AGO1: variants seen among roughly 807,000 people sequenced by gnomAD.
The protein encoded by AGO1 is argonaute RISC component 1, also known as protein argonaute-1.
AGO1 carries 11 observed loss-of-function variants against 109.2 expected under a neutral mutation model. That is an observed-to-expected ratio of 0.10 (90% CI 0.06 to 0.17). AGO1 has a LOEUF of 0.17. Among genes scored for constraint, AGO1 ranks in the 10% least tolerant of loss-of-function variants. The pLI is 1.00. For missense variants in AGO1, 574 were observed against 1,140.3 expected (o/e 0.50, Z 7.15); for synonymous variants, 422 against 418.6 (o/e 1.01, Z -0.10).
Position 35,893,906 on chromosome 1 carries a change from T to A in AGO1, c.649+96T>A. The A allele has an allele frequency of 6.5e-7, 1 of 1,539,006 alleles. No homozygotes were observed. Among genetic ancestry groups the A allele is most frequent in the Non-Finnish European group, 8.8e-7 (1 of 1,138,264 alleles). ...CAGCTCTGCAACCACACTCCTAGTCTAATTCCTACAGCCCTGGCACCCCCT... is the reference window on the plus strand; with the variant it reads ...CAGCTCTGCAACCACACTCCTAGTCAAATTCCTACAGCCCTGGCACCCCCT... On this transcript the variant is annotated intron_variant, in intron 5 of 18. Transcript: ENST00000373204. The surrounding 1 kb of genome is among the most constrained non-coding windows in gnomAD (Gnocchi z 5.6).
At position 35,925,083 on chromosome 1, in the gene AGO1, G is replaced by A. The variant is rs574185625; in HGVS notation, c.*5476G>A. ...ACAGATCACTGGTAGACAGTTTGTGGGTTTTTTGTTTCTTTGTTTAGCCAG... is the reference window on the plus strand; with the variant it reads ...ACAGATCACTGGTAGACAGTTTGTGAGTTTTTTGTTTCTTTGTTTAGCCAG... On this transcript the variant is annotated 3_prime_UTR_variant, in exon 19 of 19. Coordinates refer to ENST00000373204, the MANE Select transcript of AGO1 (RefSeq NM_012199.5). 8.4e-4 allele frequency: 128 copies of A among 152,146 alleles called. 1 individual carries two copies. Among genetic ancestry groups the A allele is most frequent in the African/African-American group, 3.0e-3 (126 of 41,516 alleles). 9.4% of individuals were successfully genotyped at this position (152,146 alleles called of 1,614,324 possible).
At chr1:35,878,867 C>G (rs964421272), upstream of AGO1, among the ~76,000 whole-genome samples, 10 of 151,320 alleles carry the variant, frequency 6.6e-5, no homozygotes, top group African/African-American at 2.2e-4. Context: ...GTTAATTATA[C>G]TACATTGATT....
chr1:35,893,341 G>A lies in AGO1; in HGVS notation c.512+63G>A. The A allele has an allele frequency of 1.3e-6, 2 of 1,543,174 alleles. No homozygotes were observed. The highest frequency in any genetic ancestry group is 1.2e-5 in the South Asian group (1 of 83,690). On this transcript the variant is annotated intron_variant, in intron 4 of 18. Coordinates refer to ENST00000373204, the MANE Select transcript of AGO1 (RefSeq NM_012199.5). The surrounding 1 kb of genome is among the most constrained non-coding windows in gnomAD (Gnocchi z 5.6). ...GCAGAACTGCTGTCAGGGGAGGAGG[G>A]GGAGCACATATTAAGGTCCCACAGA...
intron 1 of AGO1, among the ~76,000 whole-genome samples, chr1:35,877,243 A>C (rs1363369905): frequency 6.6e-6 from 1 of 152,098 alleles, no homozygotes; most frequent in Non-Finnish European, 1.5e-5. Context: ...GAATGGGCAG[A>C]TTTCGTGATG....
chr1:35,895,413 C>G, intron 8 of AGO1, 144 bp downstream of exon 8: 1 of 894,890 alleles, frequency 1.1e-6, no homozygotes, highest in Non-Finnish European at 1.6e-6. Context: ...ATAGAGGCCT[C>G]ATTCTTACCT....
At position 35,906,995 on chromosome 1, in the gene AGO1, A is replaced by G. The variant is rs776441734; in HGVS notation, c.1458A>G (p.Gln486=). The G allele has an allele frequency of 1.5e-5, 24 of 1,614,046 alleles. 1 individual carries two copies. The highest frequency in any genetic ancestry group is 5.5e-5 in the South Asian group (5 of 91,078). ...ATGCGGGGATGCCTATCCAGGGTCA[A>G]CCTTGTTTCTGCAAATATGCACAGG... ...SKDAGMPIQG[Q]PCFCKYAQGA... is the part of the protein sequence containing the mutation. The change falls in exon 12 of 19, where the codon CAA becomes CAG. Residue 486 remains glutamine, a synonymous_variant. Transcript: ENST00000373204.
At chr1:35,879,215 C>G (rs748977147), upstream of AGO1, among the ~76,000 whole-genome samples, 1 of 152,096 alleles carries the variant, frequency 6.6e-6, no homozygotes, top group Non-Finnish European at 1.5e-5. Context: ...TTTGGGAGGC[C>G]GAGGCGGGTG....
rs188384146 is a variant in AGO1, at chr1:35,928,530, C to G, written c.*8923C>G. 1 of 152,206 alleles carries G rather than the reference C, an allele frequency of 6.6e-6. No individual in the cohort carries two copies. The highest frequency in any genetic ancestry group is 2.4e-5 in the African/African-American group (1 of 41,440). 9.4% of individuals were successfully genotyped at this position (152,206 alleles called of 1,614,324 possible). On this transcript the variant is annotated 3_prime_UTR_variant, in exon 19 of 19. Coordinates refer to ENST00000373204, the MANE Select transcript of AGO1 (RefSeq NM_012199.5). ...CTCTCTTAGCTTCAAGCTATCCTCC[C>G]GCCTCGGCCTCCCAAAGTGCTGGAA...
Position 35,888,396 on chromosome 1 carries a change from C to T in AGO1, c.26-31C>T. On this transcript the variant is annotated intron_variant, in intron 1 of 18. Transcript: ENST00000373204. The surrounding 1 kb of genome is among the most constrained non-coding windows in gnomAD (Gnocchi z 4.1). ...TAAGAGTAGTTAGGAGATTGCCAGA[C>T]TTTACCCTCACCAGCCTCTTTGTCT... 6.2e-7 allele frequency: 1 copy of T among 1,610,096 alleles called. No homozygotes were observed. Among genetic ancestry groups the T allele is most frequent in the Non-Finnish European group, 8.5e-7 (1 of 1,177,774 alleles).
chr1:35,903,604 C>T (rs2148716787), intron 11 of AGO1, among the ~76,000 whole-genome samples: 1 of 152,180 alleles, frequency 6.6e-6, no homozygotes, highest in South Asian at 2.1e-4. Flanking sequence ...GCCTGTAGTC[C>T]TGGCTACTCA....
rs537183995 is a variant in AGO1, at chr1:35,906,910, C to T, written c.1398-25C>T. 3.1e-6 allele frequency: 5 copies of T among 1,592,264 alleles called. No individual in the cohort carries two copies. In the Admixed American group the frequency reaches 8.5e-5, roughly 27 times the overall value. ...AGAATTCAAGTGAGACTCACTGCCT[C>T]CTTTGTGACCATGCGTGTGTACAGG... On this transcript the variant is annotated intron_variant, in intron 11 of 18. Transcript: ENST00000373204.
At position 35,888,660 on chromosome 1, in the gene AGO1, AAG is replaced by A; in HGVS notation, c.209+53_209+54del. 6.3e-7 allele frequency: 1 copy of A among 1,599,342 alleles called. No individual in the cohort carries two copies. Among genetic ancestry groups the A allele is most frequent in the Middle Eastern group, 1.7e-4 (1 of 5,988 alleles). ...CAAATCTGAAAGACACCAACCTTGA[AAG>A]AGGGGCCAGAAAGGTAAAAGAAAAA... On this transcript the variant is annotated intron_variant, in intron 2 of 18. Coordinates refer to ENST00000373204, the MANE Select transcript of AGO1 (RefSeq NM_012199.5). The surrounding 1 kb of genome is among the most constrained non-coding windows in gnomAD (Gnocchi z 4.1).
chr1:35,899,234 G>A (rs1034969795), intron 8 of AGO1, among the ~76,000 whole-genome samples: 2 of 152,118 alleles, frequency 1.3e-5, no homozygotes, highest in Non-Finnish European at 2.9e-5. Flanking sequence ...TCTTTTTTAA[G>A]GCTGAATAAT....
At chr1:35,887,895 G>T (rs1308105967) in intron 1 of AGO1, among the ~76,000 whole-genome samples, 1 of 152,038 alleles carries the variant, frequency 6.6e-6, no homozygotes, top group Non-Finnish European at 1.5e-5. Context: ...TCGCCATTCA[G>T]TTGCCTTAAT....
chr1:35,922,479 A>G lies in AGO1; in HGVS notation c.*2872A>G, dbSNP rs41308339. On this transcript the variant is annotated 3_prime_UTR_variant, in exon 19 of 19. Transcript: ENST00000373204. ...AAGTGCTTGGGGGACCCCCAGCCTC[A>G]TCCTCTTAGTTGGGTCTCTTGTTCC... The G allele has an allele frequency of 0.027, 4,135 of 152,382 alleles. 82 individuals carry two copies. The highest frequency in any genetic ancestry group is 0.051 in the Middle Eastern group (15 of 294). The allele number at this position is 152,382 out of a possible 1,614,324, so 9.4% of individuals were successfully genotyped here. A position where few individuals can be genotyped will look rare whatever the true frequency, so the allele number is the denominator to read the frequency against.
upstream of AGO1, among the ~76,000 whole-genome samples, chr1:35,882,555 T>C (rs1645047876): frequency 6.6e-6 from 1 of 152,162 alleles, no homozygotes; most frequent in Non-Finnish European, 1.5e-5. The surrounding 1 kb of genome is among the most constrained non-coding windows in gnomAD (Gnocchi z 5.1). Context: ...GGGCAGAAGC[T>C]GATTGACAGT....
intron 2 of AGO1, among the ~76,000 whole-genome samples, chr1:35,889,841 T>C (rs918289706): frequency 6.0e-5 from 9 of 150,984 alleles, no homozygotes; most frequent in Non-Finnish European, 2.9e-5. Context: ...GCCTCCTGAG[T>C]AGCTGGGACT....
intron 8 of AGO1, among the ~76,000 whole-genome samples, chr1:35,896,462 A>C (rs1385718188): frequency 6.6e-6 from 1 of 150,528 alleles, no homozygotes; most frequent in Non-Finnish European, 1.5e-5. Context: ...TCCCAGGTTC[A>C]AGCAATTCTC....
chr1:35,896,082 C>T (rs963419439), intron 8 of AGO1, among the ~76,000 whole-genome samples: 7 of 152,260 alleles, frequency 4.6e-5, no homozygotes, highest in African/African-American at 1.4e-4. Context: ...TCACTGCAAC[C>T]TCTGCCTCCC....
Sources: allele counts gnomAD v4.1 joint callset (sites outside exome capture counted in the v4.1 genomes callset), GRCh38; gene constraint gnomAD v4.1.1; non-coding constraint Gnocchi (gnomAD v3.1); transcripts MANE v1.5; gene names NCBI Gene and HGNC (gene_info 2026-07-23, HGNC 2026-07-21).